Variants in PIK3CB observed in about 807,000 individuals in gnomAD.
PIK3CB encodes phosphatidylinositol-4,5-bisphosphate 3-kinase catalytic subunit beta.
In PIK3CB, 39 loss-of-function variants were observed where a neutral mutation model predicts 136.8. That is an observed-to-expected ratio of 0.29 (90% confidence interval 0.22 to 0.37). The LOEUF (loss-of-function observed/expected upper bound fraction) is 0.37. Ranked by LOEUF, PIK3CB falls within the 10% of genes least tolerant of loss-of-function variation. PIK3CB has a pLI of 1.00. For synonymous variants in PIK3CB, 428 were observed against 436.6 expected (o/e 0.98, Z 0.25); for missense variants, 868 against 1,275.4 (o/e 0.68, Z 4.87).
chr3:138,690,958 T>C, intron 15 of PIK3CB, 42 bp downstream of exon 15: 1 of 1,513,188 alleles, frequency 6.6e-7, no homozygotes, highest in Non-Finnish European at 9.0e-7. Flanking sequence ...TTATAGTTAC[T>C]AAAGCACCTG....
chr3:138,722,781 T>C (rs910071021), intron 8 of PIK3CB, among the ~76,000 whole-genome samples: 1 of 151,572 alleles, frequency 6.6e-6, no homozygotes, highest in African/African-American at 2.4e-5. Context: ...ACAAAAAATG[T>C]GATCTTGAAA....
chr3:138,760,623 G>A lies in PIK3CB; in HGVS notation c.-16-1264C>T, dbSNP rs1291312339. 2.0e-5 allele frequency among the ~76,000 whole-genome samples: 3 copies of A among 152,136 alleles called. No homozygotes were observed. In the East Asian group the frequency reaches 5.8e-4, roughly 29 times the overall value. Reference sequence around the variant, plus strand: ...GAAAGTGTCATATCAAAAGAGACAGGAGGCCGGGCACAGTGGCCCATGCCT... The same window carrying A: ...GAAAGTGTCATATCAAAAGAGACAGAAGGCCGGGCACAGTGGCCCATGCCT... On this transcript the variant is annotated intron_variant, in intron 2 of 23. Coordinates refer to ENST00000674063, the MANE Select transcript of PIK3CB (RefSeq NM_006219.3).
At chr3:138,799,433 C>T (rs544883383) in intron 1 of PIK3CB, among the ~76,000 whole-genome samples, 1 of 151,958 alleles carries the variant, frequency 6.6e-6, no homozygotes, top group South Asian at 2.1e-4. Context: ...CTCGCCTCAG[C>T]TTCCCAAAGT....
chr3:138,654,039 C>A lies in PIK3CB; in HGVS notation c.*1350G>T, dbSNP rs2043153680. 1 of 195,632 alleles carries A rather than the reference C, an allele frequency of 5.1e-6. No homozygotes were observed. Among genetic ancestry groups the A allele is most frequent in the East Asian group, 8.0e-5 (1 of 12,482 alleles). The allele number at this position is 195,632 out of a possible 1,614,324, so 12.1% of individuals were successfully genotyped here. On this transcript the variant is annotated 3_prime_UTR_variant, in exon 24 of 24. Transcript: ENST00000674063. Reference sequence around the variant, plus strand: ...CACCCATTCCAAGAGCAGCCGAAACCAGCTCACTCATTTATTTGACTGAGA... The same window carrying A: ...CACCCATTCCAAGAGCAGCCGAAACAAGCTCACTCATTTATTTGACTGAGA...
At chr3:138,782,975 C>T (rs2045937624) in intron 2 of PIK3CB, among the ~76,000 whole-genome samples, 1 of 152,166 alleles carries the variant, frequency 6.6e-6, no homozygotes, top group African/African-American at 2.4e-5. Flanking sequence ...CTCAGTCAGT[C>T]CAATATCACT....
chr3:138,778,042 C>T, intron 2 of PIK3CB: 1 of 373,376 alleles, frequency 2.7e-6, no homozygotes, highest in Non-Finnish European at 5.2e-6. Flanking sequence ...ATGAAAATAC[C>T]ATAACCATTT....
intron 1 of PIK3CB, among the ~76,000 whole-genome samples, chr3:138,813,856 A>C (rs2108878922): frequency 6.6e-6 from 1 of 152,302 alleles, no homozygotes; most frequent in African/African-American, 2.4e-5. Flanking sequence ...AGCATTCCAA[A>C]GAAATGGGGT....
chr3:138,752,080 T>C (rs1408289121), intron 4 of PIK3CB, among the ~76,000 whole-genome samples: 1 of 152,160 alleles, frequency 6.6e-6, no homozygotes, highest in African/African-American at 2.4e-5. Flanking sequence ...AATATGTTTT[T>C]CAGAATGCTA....
At chr3:138,685,500 C>A (rs1308268341) in intron 16 of PIK3CB, among the ~76,000 whole-genome samples, 1 of 147,850 alleles carries the variant, frequency 6.8e-6, no homozygotes, top group East Asian at 2.0e-4. Flanking sequence ...GAATTTGAGA[C>A]ATCACTAACC....
intron 7 of PIK3CB, 90 bp from the exon 8 acceptor site, chr3:138,733,528 T>C (rs1192521308): frequency 4.8e-6 from 3 of 626,018 alleles, no homozygotes; most frequent in Non-Finnish European, 8.2e-6. Flanking sequence ...TTCTAATGTC[T>C]ATTGGCAAAA....
intron 2 of PIK3CB, chr3:138,778,163 G>T: frequency 2.2e-6 from 1 of 448,546 alleles, no homozygotes; most frequent in South Asian, 1.6e-5. Flanking sequence ...CATTTAAAAG[G>T]AGAAACCGAA....
intron 1 of PIK3CB, among the ~76,000 whole-genome samples, chr3:138,826,876 C>A (rs980419439): frequency 2.0e-5 from 3 of 152,044 alleles, no homozygotes; most frequent in Admixed American, 2.0e-4. Flanking sequence ...CGAGACCAGC[C>A]TGACTAACAT....
intron 11 of PIK3CB, among the ~76,000 whole-genome samples, chr3:138,705,174 C>CAAAAAAAAAAAAAAAAAAAAAAAAAAA (rs1159172292): frequency 1.8e-5 from 1 of 57,058 alleles, no homozygotes; most frequent in Non-Finnish European, 3.0e-5. Context: ...AAAAAAAAAA[C>CAAAAAAAAAAAAAAAAAAAAAAAAAAA]AAAAAACAAA....
chr3:138,774,793 T>G (rs1216995069), intron 2 of PIK3CB, among the ~76,000 whole-genome samples: 1 of 152,252 alleles, frequency 6.6e-6, no homozygotes, highest in Non-Finnish European at 1.5e-5. Flanking sequence ...AGCTTACAGC[T>G]GTAGAAAATG....
At chr3:138,791,417 G>A (rs1212727682) in intron 2 of PIK3CB, among the ~76,000 whole-genome samples, 2 of 152,142 alleles carry the variant, frequency 1.3e-5, no homozygotes, top group Non-Finnish European at 2.9e-5. Flanking sequence ...TTACAGGCGT[G>A]AGCCACTGCA....
At position 138,742,622 on chromosome 3, in the gene PIK3CB, T is replaced by G. The variant is rs753548626; in HGVS notation, c.557A>C (p.Glu186Ala). 1 of 1,610,090 alleles carries G rather than the reference T, an allele frequency of 6.2e-7. No homozygotes were observed. Among genetic ancestry groups the G allele is most frequent in the Non-Finnish European group, 8.5e-7 (1 of 1,176,714 alleles). Residue 186 changes from glutamate (E) to alanine (A), a missense_variant, in exon 5 of 24, where the codon GAA (glutamate) becomes GCA (alanine). Around this residue, in one of 4 missense-constraint regions of PIK3CB, gnomAD observed 612 missense variants for 801.1 expected, o/e 0.76. Transcript: ENST00000674063. ...YPPEHEPSIP[E>A]NLEDKLYGGK... ...CCCATAAAGTTTATCTTCTAAGTTT[T>G]CAGGGATGGATGGTTCATGCTCTGG...
At chr3:138,772,239 C>A (rs561824874) in intron 2 of PIK3CB, among the ~76,000 whole-genome samples, 29 of 152,072 alleles carry the variant, frequency 1.9e-4, no homozygotes, top group Non-Finnish European at 3.7e-4. Flanking sequence ...GCAAGTATAA[C>A]CTAATGCGCG....
rs539083787 is a variant in PIK3CB at position 138,758,504 on chromosome 3, A to C, written c.171+669T>G. Among the ~76,000 whole-genome samples the C allele has an allele frequency of 1.8e-4, 28 of 152,354 alleles. No homozygotes were observed. In the South Asian group the frequency reaches 5.6e-3, roughly 30 times the overall value. On this transcript the variant is annotated intron_variant, in intron 3 of 23. Transcript: ENST00000674063. ...GGTGCACCATGCATGAGCGTATGAG[A>C]TGCTTAAGTCAATTCTGTATTTTCT...
chr3:138,661,037 T>C (rs1464739909), intron 21 of PIK3CB, among the ~76,000 whole-genome samples: 1 of 152,208 alleles, frequency 6.6e-6, no homozygotes, highest in Non-Finnish European at 1.5e-5. Flanking sequence ...ACCTAGTCTT[T>C]TGATGAGGGT....
Sources: gnomAD v4.1 joint callset for allele counts (sites outside exome capture counted in the v4.1 genomes callset) on GRCh38, gnomAD v4.1.1 for gene constraint, gnomAD v4.1.1 regional missense constraint, MANE v1.5 for transcripts, NCBI Gene and HGNC (gene_info 2026-07-23, HGNC 2026-07-21) for gene names.